PSD3: variants seen among roughly 807,000 people sequenced by gnomAD.
The protein encoded by PSD3 is pleckstrin and Sec7 domain containing 3.
PSD3 carries 49 observed loss-of-function variants against 105.5 expected under a neutral mutation model. The observed-to-expected ratio is 0.46, with a 90% confidence interval of 0.37 to 0.59. The LOEUF (loss-of-function observed/expected upper bound fraction) is 0.59. Ranked by LOEUF, PSD3 falls within the 20% of genes least tolerant of loss-of-function variation. PSD3 has a pLI of 0.00. For synonymous variants in PSD3, 557 were observed against 457.8 expected (o/e 1.22, Z -2.77); for missense variants, 1,561 against 1,263.8 (o/e 1.24, Z -3.57).
chr8:18,628,998 T>TA lies in PSD3; in HGVS notation c.2410+3614dup, dbSNP rs558216948. 3.4e-4 allele frequency among the ~76,000 whole-genome samples: 51 copies of TA among 152,066 alleles called. No homozygotes were observed. In the South Asian group the frequency reaches 6.2e-3, roughly 19 times the overall value. ...ATAGGCACTCTAATTAAAAGACAGA[T>TA]ACTGTGATTTACAATAAAAAGCGAG... On this transcript the variant is annotated intron_variant, in intron 11 of 15. Transcript: ENST00000327040.
At chr8:18,884,245 T>A (rs980855967) in intron 2 of PSD3, among the ~76,000 whole-genome samples, 2 of 152,202 alleles carry the variant, frequency 1.3e-5, no homozygotes, top group Non-Finnish European at 2.9e-5. Context: ...TAAGTAACTA[T>A]AATCCTTAAC....
chr8:18,887,456 C>T (rs1217558418), intron 2 of PSD3, among the ~76,000 whole-genome samples: 1 of 152,166 alleles, frequency 6.6e-6, no homozygotes, highest in Non-Finnish European at 1.5e-5. Flanking sequence ...ACTTTTATAT[C>T]ACTTACAGTA....
At chr8:18,758,571 T>C (rs1806254044) in intron 9 of PSD3, among the ~76,000 whole-genome samples, 1 of 152,134 alleles carries the variant, frequency 6.6e-6, no homozygotes, top group Non-Finnish European at 1.5e-5. Context: ...CAGCTGTAAC[T>C]GATTAAAAAG....
chr8:18,581,843 A>T (rs1802838052), intron 12 of PSD3, among the ~76,000 whole-genome samples: 1 of 152,154 alleles, frequency 6.6e-6, no homozygotes, highest in South Asian at 2.1e-4. Context: ...TGACATTACT[A>T]TCGTGATACT....
intron 9 of PSD3, chr8:18,763,167 T>G (rs912617150): frequency 4.9e-6 from 2 of 410,622 alleles, no homozygotes; most frequent in Non-Finnish European, 9.8e-6. Context: ...TGAACCAAAT[T>G]AATCTAAAAG....
chr8:18,918,609 A>C (rs1049854387), intron 2 of PSD3, among the ~76,000 whole-genome samples: 3 of 152,340 alleles, frequency 2.0e-5, no homozygotes, highest in African/African-American at 7.2e-5. Context: ...ACATACTAAT[A>C]AACAAAAAAC....
intron 2 of PSD3, among the ~76,000 whole-genome samples, chr8:18,888,288 G>A (rs1044264356): frequency 7.2e-5 from 11 of 152,166 alleles, no homozygotes; most frequent in Non-Finnish European, 1.6e-4. Flanking sequence ...CCGACTACCG[G>A]CATGACCTTG....
intron 1 of PSD3, among the ~76,000 whole-genome samples, chr8:18,964,833 T>C (rs941804124): frequency 3.3e-5 from 5 of 152,210 alleles, no homozygotes; most frequent in African/African-American, 9.6e-5. Context: ...TGGCATAGAT[T>C]TGTTCACAGG....
chr8:18,637,516 A>G (rs1163765906), intron 10 of PSD3, among the ~76,000 whole-genome samples: 4 of 152,108 alleles, frequency 2.6e-5, no homozygotes, highest in Admixed American at 2.0e-4. Context: ...TTCCATCCCT[A>G]TAGTTCTGCC....
At chr8:19,070,869 G>A (rs1829232220) in intron 1 of PSD3, among the ~76,000 whole-genome samples, 3 of 152,294 alleles carry the variant, frequency 2.0e-5, no homozygotes, top group South Asian at 4.1e-4. Context: ...CAATCTAGGT[G>A]TATTCATCCA....
chr8:18,921,549 C>T (rs1821019851), intron 2 of PSD3, among the ~76,000 whole-genome samples: 1 of 152,176 alleles, frequency 6.6e-6, no homozygotes, highest in Non-Finnish European at 1.5e-5. Flanking sequence ...CTGAAACCTA[C>T]ACACAACTGG....
chr8:18,788,136 A>T (rs1212591825), intron 8 of PSD3, among the ~76,000 whole-genome samples: 2 of 152,180 alleles, frequency 1.3e-5, no homozygotes, highest in Non-Finnish European at 2.9e-5. Context: ...AACCAGAAGG[A>T]AGTGGTATTG....
At chr8:18,848,225 G>C (rs1305662435) in intron 4 of PSD3, among the ~76,000 whole-genome samples, 1 of 152,150 alleles carries the variant, frequency 6.6e-6, no homozygotes, top group African/African-American at 2.4e-5. Context: ...TTGGTGTACA[G>C]TTACATCAGA....
chr8:18,986,506 C>G (rs1825501951), intron 1 of PSD3, among the ~76,000 whole-genome samples: 1 of 150,488 alleles, frequency 6.6e-6, no homozygotes, highest in African/African-American at 2.5e-5. Flanking sequence ...TTCTGCTTCA[C>G]TACACATTCT....
intron 1 of PSD3, among the ~76,000 whole-genome samples, chr8:19,040,302 A>C (rs1828078210): frequency 1.3e-5 from 2 of 152,144 alleles, no homozygotes; most frequent in South Asian, 2.1e-4. Context: ...TCTTGGGCTC[A>C]AGTGATCTCC....
chr8:19,015,241 A>G (rs1201275999), upstream of PSD3, among the ~76,000 whole-genome samples: 2 of 152,196 alleles, frequency 1.3e-5, no homozygotes, highest in African/African-American at 4.8e-5. Flanking sequence ...GCCTACTGCC[A>G]TCCGCTTAAG....
In PSD3 at chr8:18,885,714, A is replaced by T. The variant is rs567039332; in HGVS notation, c.131-12981T>A. 5.9e-5 allele frequency among the ~76,000 whole-genome samples: 9 copies of T among 151,722 alleles called. No individual in the cohort carries two copies. The East Asian group carries it at 1.5e-3, about 26-fold the overall frequency. Reference sequence around the variant, plus strand: ...CAGTTTCACTAAGGATTCAGGCTACAATCTGACATAAACAATTGTCCCAAG... The same window carrying T: ...CAGTTTCACTAAGGATTCAGGCTACTATCTGACATAAACAATTGTCCCAAG... On this transcript the variant is annotated intron_variant, in intron 2 of 15. Coordinates refer to ENST00000327040, the MANE Select transcript of PSD3 (RefSeq NM_015310.4).
intron 8 of PSD3, among the ~76,000 whole-genome samples, chr8:18,778,290 C>T (rs1401354840): frequency 1.3e-5 from 2 of 152,152 alleles, no homozygotes; most frequent in Non-Finnish European, 2.9e-5. Context: ...AGAATAGACA[C>T]ACTGCTGAGT....
intron 4 of PSD3, among the ~76,000 whole-genome samples, chr8:18,815,180 C>G (rs1229668643): frequency 6.6e-6 from 1 of 152,206 alleles, no homozygotes; most frequent in African/African-American, 2.4e-5. Flanking sequence ...CTCCCACCCC[C>G]TTTTCTCTTC....
Sources: gnomAD v4.1 joint callset for allele counts (sites outside exome capture counted in the v4.1 genomes callset) on GRCh38, gnomAD v4.1.1 for gene constraint, MANE v1.5 for transcripts, NCBI Gene and HGNC (gene_info 2026-07-23, HGNC 2026-07-21) for gene names.